Variants in FARSA observed in about 807,000 individuals in gnomAD.
The protein encoded by FARSA is phenylalanine--tRNA ligase alpha subunit.
Under a neutral mutation model 63.2 loss-of-function variants are expected in FARSA, and 37 were observed. The ratio of observed to expected loss-of-function variants is 0.59; its 90% CI spans 0.45 to 0.77. The LOEUF (loss-of-function observed/expected upper bound fraction) is 0.77, where lower values mean the gene tolerates loss of function less well. Among genes scored for constraint, FARSA ranks in the 30% least tolerant of loss-of-function variants. The pLI is 0.00. For missense variants in FARSA, 618 were observed against 696.6 expected (o/e 0.89, Z 1.27); for synonymous variants, 312 against 285.1 (o/e 1.09, Z -0.95).
intron 7 of FARSA, among the ~76,000 whole-genome samples, chr19:12,926,820 G>A (rs1971332679): frequency 6.6e-6 from 1 of 152,230 alleles, no homozygotes; most frequent in Non-Finnish European, 1.5e-5. Flanking sequence ...CAAACAGTGG[G>A]ATTATACCCA....
chr19:12,933,187 C>A lies in FARSA; in HGVS notation c.147+363G>T, dbSNP rs559378508. The A allele has an allele frequency of 3.2e-5, 9 of 278,244 alleles. No homozygotes were observed. The East Asian group carries it at 8.0e-4, about 25-fold the overall frequency. The allele number at this position is 278,244 out of a possible 1,614,324, so 17.2% of individuals were successfully genotyped here. A position where few individuals can be genotyped will look rare whatever the true frequency, so the allele number is the denominator to read the frequency against. ...CCGTCACCTGCACCAGGCCGCTCTC[C>A]CTGACCCCCAAGGCTGGGTCAGCTG... On this transcript the variant is annotated intron_variant, in intron 1 of 12. Coordinates refer to ENST00000314606, the MANE Select transcript of FARSA (RefSeq NM_004461.3).
chr19:12,927,388 G>C (rs1321341214), intron 7 of FARSA, among the ~76,000 whole-genome samples: 1 of 151,304 alleles, frequency 6.6e-6, no homozygotes, highest in Non-Finnish European at 1.5e-5. Flanking sequence ...TTTGAGATCA[G>C]GAGTTTGAGA....
At position 12,925,609 on chromosome 19, in the gene FARSA, C is replaced by T. The variant is rs574212417; in HGVS notation, c.842-435G>A. ...CTGATCTCAGGTGATCCACCCACCT[C>T]GGCCTCCCAGTGTTGGGATTACAGG... On this transcript the variant is annotated intron_variant, in intron 7 of 12. Transcript: ENST00000314606. 2.1e-4 allele frequency among the ~76,000 whole-genome samples: 32 copies of T among 152,002 alleles called. 2 individuals carry two copies. The South Asian group carries it at 6.2e-3, about 30-fold the overall frequency.
chr19:12,925,400 C>T (rs1399308882), intron 7 of FARSA, among the ~76,000 whole-genome samples: 1 of 151,916 alleles, frequency 6.6e-6, no homozygotes, highest in African/African-American at 2.4e-5. Context: ...TTCAGTTGGC[C>T]CAGCTGAAGT....
chr19:12,927,285 C>G (rs190489370), intron 7 of FARSA, among the ~76,000 whole-genome samples: 59 of 152,270 alleles, frequency 3.9e-4, no homozygotes, highest in African/African-American at 1.3e-3. Flanking sequence ...GAGGTGTGCA[C>G]GGCCTGGAAT....
At chr19:12,929,251 G>A (rs1007373257) in intron 4 of FARSA, among the ~76,000 whole-genome samples, 3 of 152,154 alleles carry the variant, frequency 2.0e-5, no homozygotes, top group South Asian at 2.1e-4. Context: ...TTGTTGCCTA[G>A]GCTAGAGTGC....
chr19:12,923,861 C>T (rs1322212479), intron 12 of FARSA, among the ~76,000 whole-genome samples: 2 of 152,196 alleles, frequency 1.3e-5, no homozygotes, highest in Non-Finnish European at 2.9e-5. Context: ...ATCCTCCTGC[C>T]TTGGCCTCCC....
At position 12,933,604 on chromosome 19, in the gene FARSA, G is replaced by C. The variant is rs1275967951; in HGVS notation, c.93C>G (p.Gly31=). ...LDSAELAAEL[G]MEHQAVVGAV... is the part of the protein sequence containing the mutation. ...CGCCCACCACCGCCTGGTGCTCCAT[G>C]CCCAGCTCAGCCGCCAACTCGGCGC... The change falls in exon 1 of 13, where the codon GGC becomes GGG. Residue 31 remains glycine, a synonymous_variant. Coordinates refer to ENST00000314606, the MANE Select transcript of FARSA (RefSeq NM_004461.3). 1 of 1,554,624 alleles carries C rather than the reference G, an allele frequency of 6.4e-7. No individual in the cohort carries two copies. The highest frequency in any genetic ancestry group is 8.7e-7 in the Non-Finnish European group (1 of 1,154,420).
intron 7 of FARSA, among the ~76,000 whole-genome samples, chr19:12,926,997 G>A (rs1250226265): frequency 2.0e-5 from 3 of 152,176 alleles, no homozygotes; most frequent in African/African-American, 4.8e-5. Context: ...CAGGTAAGCC[G>A]GCACCCAATG....
chr19:12,930,973 C>G (rs1971387879), intron 1 of FARSA, among the ~76,000 whole-genome samples: 1 of 152,188 alleles, frequency 6.6e-6, no homozygotes, highest in Non-Finnish European at 1.5e-5. Context: ...ATAGTTTACA[C>G]CTCCCAGGGT....
chr19:12,930,987 G>A (rs1402682330), intron 1 of FARSA, among the ~76,000 whole-genome samples: 1 of 152,206 alleles, frequency 6.6e-6, no homozygotes, highest in Non-Finnish European at 1.5e-5. Flanking sequence ...CCAGGGTAAA[G>A]TACACCACTA....
chr19:12,930,902 G>A (rs577279022), intron 1 of FARSA, among the ~76,000 whole-genome samples, 153 bp from the exon 2 acceptor site: 1 of 152,270 alleles, frequency 6.6e-6, no homozygotes, highest in Admixed American at 6.5e-5. Context: ...TGGTCTCAAG[G>A]GAAAGACTTC....
chr19:12,933,639 C>T lies in FARSA; in HGVS notation c.58G>A (p.Gly20Ser). 4 of 1,562,918 alleles carry T rather than the reference C, an allele frequency of 2.6e-6. No homozygotes were observed. Among genetic ancestry groups the T allele is most frequent in the Non-Finnish European group, 3.5e-6 (4 of 1,157,994 alleles). Residue 20 changes from glycine to serine, a missense_variant, in exon 1 of 13, where the codon GGC becomes AGC. Physicochemically the swap from Gly to Ser is moderately conservative, Grantham distance 56. Transcript: ENST00000314606. The stretch of plus-strand genomic sequence containing the variant: ...GCCGCCAACTCGGCGCTGTCCAGGC[C>T]GCCATCAGACGCCTCCAGCCGCCGG... ...LLRRLEASDG[G>S]LDSAELAAEL... is the part of the protein sequence containing the mutation.
At chr19:12,925,594 G>C (rs746563881) in intron 7 of FARSA, among the ~76,000 whole-genome samples, 1 of 151,984 alleles carries the variant, frequency 6.6e-6, no homozygotes, top group Non-Finnish European at 1.5e-5. Flanking sequence ...CTGATCTCAG[G>C]TGATCCACCC....
chr19:12,931,871 C>T (rs1035366469), intron 1 of FARSA, among the ~76,000 whole-genome samples: 3 of 152,162 alleles, frequency 2.0e-5, no homozygotes, highest in Non-Finnish European at 4.4e-5. Context: ...CAACTCTGCC[C>T]TTCACTTACT....
At position 12,922,531 on chromosome 19, in the gene FARSA, G is replaced by A. The variant is rs1971275052; in HGVS notation, c.*217C>T. ...AATAGGTGGCCCACAGGTCTCCTCA[G>A]GGCCCACCCTCACAGTAGACACACC... On this transcript the variant is annotated 3_prime_UTR_variant, in exon 13 of 13. Transcript: ENST00000314606. The A allele has an allele frequency of 6.6e-6, 4 of 606,060 alleles. No individual in the cohort carries two copies. The highest frequency in any genetic ancestry group is 1.1e-5 in the Non-Finnish European group (4 of 348,582). 37.5% of individuals were successfully genotyped at this position (606,060 alleles called of 1,614,324 possible).
chr19:12,928,513 C>G, intron 6 of FARSA, 22 bp downstream of exon 6: 3 of 1,613,914 alleles, frequency 1.9e-6, no homozygotes, highest in Non-Finnish European at 2.5e-6. Flanking sequence ...GCACCAGGCA[C>G]CGCCCCCAGC....
Position 12,933,509 on chromosome 19 carries a change from G to A in FARSA, c.147+41C>T, listed in dbSNP as rs767663507. ...AGCGCCCGTGGCAAGGGGACTGTAGGTGCAAGGGCAAGGCGGTCCGGCATC... is the reference window on the plus strand; with the variant it reads ...AGCGCCCGTGGCAAGGGGACTGTAGATGCAAGGGCAAGGCGGTCCGGCATC... On this transcript the variant is annotated intron_variant, in intron 1 of 12. Coordinates refer to ENST00000314606, the MANE Select transcript of FARSA (RefSeq NM_004461.3). 13 of 1,533,518 alleles carry A rather than the reference G, an allele frequency of 8.5e-6. 1 individual carries two copies. The South Asian group carries it at 1.4e-4, about 17-fold the overall frequency. 95.0% of individuals were successfully genotyped at this position (1,533,518 alleles called of 1,614,324 possible).
At chr19:12,923,701 A>G (rs796176676) in intron 12 of FARSA, among the ~76,000 whole-genome samples, 8 of 152,278 alleles carry the variant, frequency 5.3e-5, no homozygotes, top group African/African-American at 1.7e-4. Flanking sequence ...GCTGGCCTCG[A>G]ACTCCTGTCC....
Sources: allele counts gnomAD v4.1 joint callset (sites outside exome capture counted in the v4.1 genomes callset), GRCh38; gene constraint gnomAD v4.1.1; transcripts MANE v1.5; gene names NCBI Gene and HGNC (gene_info 2026-07-23, HGNC 2026-07-21).